GRIP1: variants seen among roughly 807,000 people sequenced by gnomAD.
GRIP1 encodes the protein glutamate receptor-interacting protein 1.
GRIP1 carries 45 observed loss-of-function variants against 129.9 expected under a neutral mutation model. The ratio of observed to expected loss-of-function variants is 0.35; its 90% CI spans 0.27 to 0.44. GRIP1 has a LOEUF of 0.44. Among genes scored for constraint, GRIP1 ranks in the 20% least tolerant of loss-of-function variants. The pLI, the probability that GRIP1 is intolerant of heterozygous loss-of-function variation, is 1.00. For missense variants in GRIP1, 1,196 were observed against 1,396.8 expected, an observed-to-expected ratio of 0.86 and a Z score of 2.29; for synonymous variants, 530 against 520.8, an observed-to-expected ratio of 1.02 and a Z score of -0.24.
chr12:66,516,600 G>A (rs1013787845), intron 6 of GRIP1, among the ~76,000 whole-genome samples: 1 of 152,032 alleles, frequency 6.6e-6, no homozygotes, highest in Non-Finnish European at 1.5e-5. Context: ...GGTAATACAA[G>A]TATGCCACTC....
intron 19 of GRIP1, among the ~76,000 whole-genome samples, chr12:66,391,578 A>G (rs2056587376): frequency 6.6e-6 from 1 of 152,218 alleles, no homozygotes; most frequent in South Asian, 2.1e-4. Flanking sequence ...GGGAAAGGGC[A>G]TGGTGGCTCA....
rs547167591 is a variant in GRIP1, at chr12:66,377,472, C to T, written c.2622-187G>A. Among the ~76,000 whole-genome samples the T allele has an allele frequency of 4.0e-5, 6 of 151,432 alleles. No homozygotes were observed. In the East Asian group the frequency reaches 9.7e-4, roughly 25 times the overall value. The stretch of plus-strand genomic sequence containing the variant: ...CCTCCCGAGTAGCTGGGACTACAGG[C>T]GCCTGCCACCACGCCTGGCTAATTT... On this transcript the variant is annotated intron_variant, in intron 20 of 24. Transcript: ENST00000359742.
chr12:66,457,416 C>T (rs113794681), intron 9 of GRIP1, among the ~76,000 whole-genome samples: 2,597 of 152,222 alleles, frequency 0.017, 57 homozygotes, highest in African/African-American at 0.055. Context: ...TACAGGCCCA[C>T]GCCACCACAC....
intron 15 of GRIP1, 64 bp from the exon 16 acceptor site, chr12:66,406,492 G>A: frequency 6.8e-7 from 1 of 1,469,858 alleles, no homozygotes; most frequent in South Asian, 1.1e-5. Context: ...ATTTAAAGAG[G>A]CATTAAGCAT....
At chr12:66,405,311 C>T (rs1184650999) in intron 16 of GRIP1, among the ~76,000 whole-genome samples, 2 of 152,124 alleles carry the variant, frequency 1.3e-5, no homozygotes, top group Non-Finnish European at 2.9e-5. Context: ...ACGAGATTGG[C>T]AAAATTGTAA....
At chr12:66,633,657 C>T (rs11176340) in intron 1 of GRIP1, among the ~76,000 whole-genome samples, 3 of 151,906 alleles carry the variant, frequency 2.0e-5, no homozygotes, top group South Asian at 2.1e-4. Flanking sequence ...AGAAATTTCC[C>T]GAGGTTAAAT....
intron 1 of GRIP1, among the ~76,000 whole-genome samples, chr12:66,905,996 A>C (rs78806671): frequency 2.0e-5 from 3 of 151,958 alleles, no homozygotes; most frequent in Non-Finnish European, 4.4e-5. Flanking sequence ...TGTGTAAAAC[A>C]AAAAAAAGGA....
At chr12:66,701,513 A>C (rs1289128401) in intron 1 of GRIP1, among the ~76,000 whole-genome samples, 1 of 152,214 alleles carries the variant, frequency 6.6e-6, no homozygotes, top group Non-Finnish European at 1.5e-5. Context: ...ACATCTGGAA[A>C]GATGTACAAG....
chr12:66,923,520 C>T (rs527539669), intron 1 of GRIP1, among the ~76,000 whole-genome samples: 6 of 152,310 alleles, frequency 3.9e-5, no homozygotes, highest in Non-Finnish European at 7.4e-5. Context: ...TCTTCACAAA[C>T]TTTTAACCCC....
chr12:66,455,732 C>T (rs2058940168), intron 10 of GRIP1, among the ~76,000 whole-genome samples, 168 bp from the exon 11 acceptor site: 2 of 152,340 alleles, frequency 1.3e-5, no homozygotes, highest in South Asian at 2.1e-4. Flanking sequence ...CAATGCTTTA[C>T]AAGAGCCTAC....
chr12:66,673,961 C>T (rs1676773411), intron 1 of GRIP1, among the ~76,000 whole-genome samples: 2 of 152,118 alleles, frequency 1.3e-5, no homozygotes, highest in South Asian at 2.1e-4. Flanking sequence ...AATGCACTAG[C>T]TTTGATGGCA....
intron 19 of GRIP1, among the ~76,000 whole-genome samples, chr12:66,383,374 T>C (rs1247982527): frequency 6.6e-6 from 1 of 151,936 alleles, no homozygotes; most frequent in Non-Finnish European, 1.5e-5. Flanking sequence ...GAAGAGAGCC[T>C]GGTAAAGGTG....
rs1392026602 is a variant in GRIP1 at position 67,011,672 on chromosome 12, T to A, written c.58+57378A>T. Reference sequence around the variant, plus strand: ...CCTACTTTCTCAAGAAGGTTTCACTTACTGCCCAGTCTAAATGAGGTTCTC... The same window carrying A: ...CCTACTTTCTCAAGAAGGTTTCACTAACTGCCCAGTCTAAATGAGGTTCTC... On this transcript the variant is annotated intron_variant, in intron 1 of 1. Coordinates refer to the GRIP1 transcript ENST00000643019. Among the ~76,000 whole-genome samples the A allele has an allele frequency of 2.6e-5, 4 of 152,158 alleles. No individual in the cohort carries two copies. In the East Asian group the frequency reaches 7.7e-4, roughly 29 times the overall value.
chr12:66,522,504 G>C (rs1172590101), intron 5 of GRIP1, among the ~76,000 whole-genome samples: 1 of 152,164 alleles, frequency 6.6e-6, no homozygotes, highest in African/African-American at 2.4e-5. Flanking sequence ...CTAACAAAGA[G>C]AAAGGACATC....
chr12:66,442,677 A>G (rs745569099), intron 13 of GRIP1, among the ~76,000 whole-genome samples: 5 of 151,836 alleles, frequency 3.3e-5, no homozygotes, highest in Non-Finnish European at 5.9e-5. Context: ...GACTACAGGC[A>G]TGCACCACCA....
chr12:66,378,611 G>A (rs2137370843), intron 20 of GRIP1, among the ~76,000 whole-genome samples: 1 of 152,108 alleles, frequency 6.6e-6, no homozygotes, highest in Non-Finnish European at 1.5e-5. Context: ...GCCAGGCGTG[G>A]TGGTGCATGC....
At position 66,827,963 on chromosome 12, in the gene GRIP1, C is replaced by T. The variant is rs78542980; in HGVS notation, c.59-231036G>A. On this transcript the variant is annotated intron_variant, in intron 1 of 1. Transcript: ENST00000643019. ...GTTGGAAGCTGCTGAGAAGAAAGTACGACACTGTCTTTCCATGGTTCTTTC... is the reference window on the plus strand; with the variant it reads ...GTTGGAAGCTGCTGAGAAGAAAGTATGACACTGTCTTTCCATGGTTCTTTC... Among the ~76,000 whole-genome samples the T allele has an allele frequency of 1.0e-3, 153 of 152,250 alleles. 3 individuals are homozygous for T. In the East Asian group the frequency reaches 0.027, roughly 27 times the overall value.
chr12:66,995,398 C>T (rs534124745), intron 1 of GRIP1, among the ~76,000 whole-genome samples: 3 of 151,954 alleles, frequency 2.0e-5, no homozygotes, highest in South Asian at 4.1e-4. Flanking sequence ...CCATCAATAA[C>T]GTGAAAATAA....
intron 1 of GRIP1, among the ~76,000 whole-genome samples, chr12:66,847,027 C>T (rs1218111043): frequency 6.6e-6 from 1 of 152,100 alleles, no homozygotes; most frequent in Non-Finnish European, 1.5e-5. Context: ...GTAGGAAAGT[C>T]CAATAAGGGA....
Sources: allele counts gnomAD v4.1 joint callset (sites outside exome capture counted in the v4.1 genomes callset), GRCh38; gene constraint gnomAD v4.1.1; transcripts MANE v1.5; gene names NCBI Gene and HGNC (gene_info 2026-07-23, HGNC 2026-07-21).